The following ZXDB variants were observed in gnomAD, a reference collection of about 807,000 sequenced individuals.
ZXDB encodes zinc finger X-linked protein ZXDB.
For synonymous variants in ZXDB, 273 were observed against 314.3 expected (o/e 0.87, Z 1.39); for missense variants, 413 against 679.1 (o/e 0.61, Z 4.36).
In ZXDB at chrX:57,594,945, T is replaced by G; in HGVS notation, c.*485T>G. ...AATCCATGAACAATCTTTTTTAACTTAGCCTCACTCACTCCCCATGTTCTA... is the reference window on the plus strand; with the variant it reads ...AATCCATGAACAATCTTTTTTAACTGAGCCTCACTCACTCCCCATGTTCTA... On this transcript the variant is annotated 3_prime_UTR_variant, in exon 1 of 1. Transcript: ENST00000374888. 1 of 126,786 alleles carries G rather than the reference T, an allele frequency of 7.9e-6. No homozygotes were observed. Among genetic ancestry groups the G allele is most frequent in the Non-Finnish European group, 1.8e-5 (1 of 54,712 alleles). 10.4% of individuals were successfully genotyped at this position (126,786 alleles called of 1,213,427 possible). A position where few individuals can be genotyped will look rare whatever the true frequency, so the allele number is the denominator to read the frequency against.
rs1231685972 is a variant in ZXDB, at chrX:57,592,240, G to C, written c.192G>C (p.Thr64=). 15 of 1,149,458 alleles carry C rather than the reference G, an allele frequency of 1.3e-5. No homozygotes were observed. Among genetic ancestry groups the C allele is most frequent in the African/African-American group, 3.7e-5 (2 of 53,404 alleles). The allele number at this position is 1,149,458 out of a possible 1,213,427, so 94.7% of individuals were successfully genotyped here. A position where few individuals can be genotyped will look rare whatever the true frequency, so the allele number is the denominator to read the frequency against. The change falls in exon 1 of 1, where the codon ACG becomes ACC. Residue 64 remains threonine (T), a synonymous_variant. Coordinates refer to ENST00000374888, the MANE Select transcript of ZXDB (RefSeq NM_007157.4). ...GGCGGCGGCGCGAGGAGGCCAGCACGGCATCACGGGGCCCTGGCCCAAGCC... is the reference window on the plus strand; with the variant it reads ...GGCGGCGGCGCGAGGAGGCCAGCACCGCATCACGGGGCCCTGGCCCAAGCC... ...GPGRRREEAS[T]ASRGPGPSLL...
In ZXDB at chrX:57,593,041, G is replaced by A; in HGVS notation, c.993G>A (p.Leu331=). 1 of 1,211,863 alleles carries A rather than the reference G, an allele frequency of 8.3e-7. No homozygotes were observed. Among genetic ancestry groups the A allele is most frequent in the South Asian group, 1.8e-5 (1 of 56,959 alleles). The change falls in exon 1 of 1, where the codon CTG becomes CTA. Residue 331 remains leucine (L), a synonymous_variant. Transcript: ENST00000374888. ...GGCACCTGCAGTCGCACGACAAACT[G>A]CGGCCCTTTGGCTGCCCGGCAGAGG... is the stretch of plus-strand genomic sequence containing the variant. ...LKRHLQSHDK[L]RPFGCPAEGC... is the part of the protein sequence containing the mutation.
rs1242719860 is a variant in ZXDB at position 57,594,647 on chromosome X, A to T, written c.*187A>T. ...GGAACTGACAAGTTGTGTGACCCTG[A>T]GCAAGTCAGTTAACCTATCTGAGCC... On this transcript the variant is annotated 3_prime_UTR_variant, in exon 1 of 1. Transcript: ENST00000374888. The T allele has an allele frequency of 9.3e-6, 5 of 535,514 alleles. No homozygotes were observed. The East Asian group carries it at 1.5e-4, about 16-fold the overall frequency. The allele number at this position is 535,514 out of a possible 1,213,427, so 44.1% of individuals were successfully genotyped here. A position where few individuals can be genotyped will look rare whatever the true frequency, so the allele number is the denominator to read the frequency against.
chrX:57,596,735 T>G lies in ZXDB; in HGVS notation c.*2275T>G. ...TTTCTTCCCTCTCCCCTCCCTTTCC[T>G]GCACATCCCCATCCTTGCTATGCCT... On this transcript the variant is annotated 3_prime_UTR_variant, in exon 1 of 1. Transcript: ENST00000374888. 1 of 124,889 alleles carries G rather than the reference T, an allele frequency of 8.0e-6. No homozygotes were observed. The allele number at this position is 124,889 out of a possible 1,213,427, so 10.3% of individuals were successfully genotyped here. A position where few individuals can be genotyped will look rare whatever the true frequency, so the allele number is the denominator to read the frequency against.
rs766123927 is a variant in ZXDB, at chrX:57,592,776, C to A, written c.728C>A (p.Pro243Gln). The change falls in exon 1 of 1, where the codon CCG becomes CAG. Residue 243 changes from proline (P) to glutamine (Q), a missense_variant. Coordinates refer to ENST00000374888, the MANE Select transcript of ZXDB (RefSeq NM_007157.4). ...GAGCCGGCCGAACCCGCGCCAGCTC[C>A]GGCGCCTGAGGAGGAGGCGGAGGGC... ...LAEPAEPAPAPAPEEEAEGPA... is the reference protein window; with the variant it reads ...LAEPAEPAPAQAPEEEAEGPA... 4 of 1,151,343 alleles carry A rather than the reference C, an allele frequency of 3.5e-6. No individual in the cohort carries two copies. Among genetic ancestry groups the A allele is most frequent in the Non-Finnish European group, 3.5e-6 (3 of 868,469 alleles). 94.9% of individuals were successfully genotyped at this position (1,151,343 alleles called of 1,213,427 possible).
At position 57,592,273 on chromosome X, in the gene ZXDB, G is replaced by A; in HGVS notation, c.225G>A (p.Ala75=). ...ASRGPGPSLL[A]PRTDQPSGGG... ...GGGGCCCTGGCCCAAGCCTGTTGGC[G>A]CCGAGGACCGATCAACCTAGCGGCG... Residue 75 remains alanine, a synonymous_variant, in exon 1 of 1, where the codon GCG becomes GCA. Transcript: ENST00000374888. 3 of 1,181,647 alleles carry A rather than the reference G, an allele frequency of 2.5e-6. No homozygotes were observed. Among genetic ancestry groups the A allele is most frequent in the Non-Finnish European group, 3.4e-6 (3 of 885,240 alleles).
rs1233631649 is a variant in ZXDB, at chrX:57,593,336, G to A, written c.1288G>A (p.Gly430Ser). ...GGAACTGTTTTCCTGCTCTTTTCCT[G>A]GCTGCAGCAAACAATATGACAAGGC... ...EQELFSCSFP[G>S]CSKQYDKACR... The change falls in exon 1 of 1, where the codon GGC becomes AGC. Residue 430 changes from glycine (G) to serine (S), a missense_variant. Gly to Ser is a moderately conservative substitution (Grantham distance 56). Coordinates refer to ENST00000374888, the MANE Select transcript of ZXDB (RefSeq NM_007157.4). The A allele has an allele frequency of 3.3e-6, 4 of 1,209,947 alleles. No homozygotes were observed. The highest frequency in any genetic ancestry group is 4.5e-6 in the Non-Finnish European group (4 of 895,188).
rs760168270 is a variant in ZXDB at position 57,592,681 on chromosome X, G to C, written c.633G>C (p.Pro211=). The change falls in exon 1 of 1, where the codon CCG becomes CCC. Residue 211 remains proline, a synonymous_variant. Transcript: ENST00000374888. ...AGCAGCCCGGGTGTCTGATCGCCCC[G>C]CAAGCTGGGTTCCCGCATGCCGCGC... ...PAQQPGCLIA[P]QAGFPHAAHP... 568 of 1,176,716 alleles carry C rather than the reference G, an allele frequency of 4.8e-4. No individual in the cohort carries two copies. Among genetic ancestry groups the C allele is most frequent in the African/African-American group, 3.6e-3 (198 of 54,664 alleles).
rs753943083 is a variant in ZXDB at position 57,594,265 on chromosome X, T to A, written c.2217T>A (p.Pro739=). ...KLTVDTDALT[P]SSTLCENSVS... is the part of the protein sequence containing the mutation. The stretch of plus-strand genomic sequence containing the variant: ...CAGTGGACACAGATGCTCTGACTCC[T>A]TCGAGCACCCTTTGTGAAAACAGTG... The change falls in exon 1 of 1, where the codon CCT becomes CCA. Residue 739 remains proline, a synonymous_variant. Transcript: ENST00000374888. The A allele has an allele frequency of 1.2e-5, 15 of 1,211,763 alleles. No homozygotes were observed. Among genetic ancestry groups the A allele is most frequent in the Non-Finnish European group, 1.5e-5 (13 of 895,519 alleles).
rs2057905447 is a variant in ZXDB, at chrX:57,594,525, G to A, written c.*65G>A. 1.8e-6 allele frequency: 2 copies of A among 1,120,445 alleles called. No individual in the cohort carries two copies. Among genetic ancestry groups the A allele is most frequent in the Admixed American group, 2.9e-5 (1 of 35,060 alleles). 92.3% of individuals were successfully genotyped at this position (1,120,445 alleles called of 1,213,427 possible). A position where few individuals can be genotyped will look rare whatever the true frequency, so the allele number is the denominator to read the frequency against. On this transcript the variant is annotated 3_prime_UTR_variant, in exon 1 of 1. Coordinates refer to ENST00000374888, the MANE Select transcript of ZXDB (RefSeq NM_007157.4). ...TTACAGTCAATTTTGAGGATATTCT[G>A]GACTAAATATTTAAGTGCAGTCATT...
rs762453451 is a variant in ZXDB at position 57,594,185 on chromosome X, G to A, written c.2137G>A (p.Ala713Thr). ...VGPLGSLDSL[A>T]MKNSSPEPQA... ...GCCATTGGGATCTCTGGACTCTTTG[G>A]CCATGAAAAACTCCAGTCCAGAGCC... Residue 713 changes from alanine (A) to threonine (T), a missense_variant, in exon 1 of 1, where the codon GCC becomes ACC. Ala to Thr is a moderately conservative substitution (Grantham distance 58). Transcript: ENST00000374888. 11 of 1,199,584 alleles carry A rather than the reference G, an allele frequency of 9.2e-6. No homozygotes were observed. In the East Asian group the frequency reaches 3.3e-4, roughly 36 times the overall value.
chrX:57,592,710 C>T lies in ZXDB; in HGVS notation c.662C>T (p.Pro221Leu), dbSNP rs760436778. 4 of 1,175,766 alleles carry T rather than the reference C, an allele frequency of 3.4e-6. No individual in the cohort carries two copies. The highest frequency in any genetic ancestry group is 3.7e-5 in the African/African-American group (2 of 54,751). Residue 221 changes from proline (P) to leucine (L), a missense_variant, in exon 1 of 1, where the codon CCG becomes CTG. Coordinates refer to ENST00000374888, the MANE Select transcript of ZXDB (RefSeq NM_007157.4). ...GCTGGGTTCCCGCATGCCGCGCACC[C>T]GGGTGACTGCCCAGAGCTGCCGCCA... ...PQAGFPHAAHPGDCPELPPDL... is the reference protein window; with the variant it reads ...PQAGFPHAAHLGDCPELPPDL...
Position 57,592,270 on chromosome X carries a change from G to C in ZXDB, c.222G>C (p.Leu74Phe), listed in dbSNP as rs768201846. Residue 74 changes from leucine to phenylalanine, a missense_variant, in exon 1 of 1, where the codon TTG (leucine) becomes TTC (phenylalanine). Transcript: ENST00000374888. ...CACGGGGCCCTGGCCCAAGCCTGTT[G>C]GCGCCGAGGACCGATCAACCTAGCG... is the stretch of plus-strand genomic sequence containing the variant. ...TASRGPGPSL[L>F]APRTDQPSGG... 666 of 1,172,386 alleles carry C rather than the reference G, an allele frequency of 5.7e-4. 2 individuals are homozygous for C. The highest frequency in any genetic ancestry group is 1.5e-3 in the South Asian group (78 of 53,704).
In ZXDB at chrX:57,597,469, TAA is replaced by T. The variant is rs1034344634; in HGVS notation, c.*3011_*3012del. On this transcript the variant is annotated 3_prime_UTR_variant, in exon 1 of 1. Transcript: ENST00000374888. Reference sequence around the variant, plus strand: ...TGGAAATTAAATAAATTTATAAACATAAAGATAATTTAATGCTGTGACTTCAT... The same window carrying T: ...TGGAAATTAAATAAATTTATAAACATAGATAATTTAATGCTGTGACTTCAT... 4.0e-4 allele frequency: 49 copies of T among 123,368 alleles called. No homozygotes were observed. Among genetic ancestry groups the T allele is most frequent in the African/African-American group, 1.5e-3 (46 of 30,893 alleles). The allele number at this position is 123,368 out of a possible 1,213,427, so 10.2% of individuals were successfully genotyped here. A position where few individuals can be genotyped will look rare whatever the true frequency, so the allele number is the denominator to read the frequency against.
In ZXDB at chrX:57,594,450, T is replaced by C; in HGVS notation, c.2402T>C (p.Phe801Ser). 8.3e-7 allele frequency: 1 copy of C among 1,205,467 alleles called. No homozygotes were observed. Among genetic ancestry groups the C allele is most frequent in the Non-Finnish European group, 1.1e-6 (1 of 892,568 alleles). Reference sequence around the variant, plus strand: ...CTTATCACTGTGACTGGCAGCTCATTTTTGGTATGAACCAACTCTATTCAT... The same window carrying C: ...CTTATCACTGTGACTGGCAGCTCATCTTTGGTATGAACCAACTCTATTCAT... ...TDLITVTGSS[F>S]LV The change falls in exon 1 of 1, where the codon TTT becomes TCT. Residue 801 changes from phenylalanine (F) to serine (S), a missense_variant. Physicochemically the swap from Phe to Ser is radical, Grantham distance 155. Transcript: ENST00000374888.
chrX:57,594,022 G>T lies in ZXDB; in HGVS notation c.1974G>T (p.Gln658His). 9.0e-7 allele frequency: 1 copy of T among 1,110,803 alleles called. No homozygotes were observed. 91.5% of individuals were successfully genotyped at this position (1,110,803 alleles called of 1,213,427 possible). ...CTAATAATAATAATTCCGTAGGGCA[G>T]GCTGTGGACCCTCCGTCCTTGATGG... is the stretch of plus-strand genomic sequence containing the variant. Reference protein sequence around the residue: ...LPANNNNSVGQAVDPPSLMAT... With the variant: ...LPANNNNSVGHAVDPPSLMAT... Residue 658 changes from glutamine (Q) to histidine (H), a missense_variant, in exon 1 of 1, where the codon CAG (glutamine) becomes CAT (histidine). By Grantham distance (24) the Gln-to-His change is conservative (BLOSUM62 0). Transcript: ENST00000374888.
Position 57,592,082 on chromosome X carries a change from A to T in ZXDB, c.34A>T (p.Thr12Ser). ...CCCGAAGCTGCTCCCGGCTCGCGGG[A>T]CACTACAGGGCGGCGGCGGCGGCGG... is the stretch of plus-strand genomic sequence containing the variant. Reference protein sequence around the residue: ...EIPKLLPARGTLQGGGGGGIP... With the variant: ...EIPKLLPARGSLQGGGGGGIP... Residue 12 changes from threonine to serine, a missense_variant, in exon 1 of 1, where the codon ACA becomes TCA. Transcript: ENST00000374888. 9.6e-7 allele frequency: 1 copy of T among 1,037,183 alleles called. No homozygotes were observed. The highest frequency in any genetic ancestry group is 1.2e-6 in the Non-Finnish European group (1 of 813,772). 85.5% of individuals were successfully genotyped at this position (1,037,183 alleles called of 1,213,427 possible).
Position 57,592,745 on chromosome X carries a change from C to A in ZXDB, c.697C>A (p.Leu233Ile). 1 of 1,161,675 alleles carries A rather than the reference C, an allele frequency of 8.6e-7. No individual in the cohort carries two copies. The highest frequency in any genetic ancestry group is 1.8e-5 in the African/African-American group (1 of 55,211). ...CCCAGAGCTGCCGCCAGACCTCCTG[C>A]TAGCTGAGCCGGCCGAACCCGCGCC... ...DCPELPPDLL[L>I]AEPAEPAPAP... Residue 233 changes from leucine to isoleucine, a missense_variant, in exon 1 of 1, where the codon CTA becomes ATA. By Grantham distance (5) the Leu-to-Ile change is conservative (BLOSUM62 2). Coordinates refer to ENST00000374888, the MANE Select transcript of ZXDB (RefSeq NM_007157.4).
rs771084417 is a variant in ZXDB at position 57,593,539 on chromosome X, G to A, written c.1491G>A (p.Arg497=). Residue 497 remains arginine (R), a synonymous_variant, in exon 1 of 1, where the codon AGG becomes AGA. Transcript: ENST00000374888. The stretch of plus-strand genomic sequence containing the variant: ...AAGGCTGTGGGAAATCTTTCACGAG[G>A]GCGGAACATCTGAAAGGCCACAGCA... ...PVEGCGKSFT[R]AEHLKGHSIT... is the part of the protein sequence containing the mutation. 7.9e-5 allele frequency: 96 copies of A among 1,209,684 alleles called. No homozygotes were observed. Among genetic ancestry groups the A allele is most frequent in the Admixed American group, 7.0e-4 (32 of 45,770 alleles).
Sources: allele counts gnomAD v4.1 joint callset, GRCh38; gene constraint gnomAD v4.1.1; transcripts MANE v1.5; gene names NCBI Gene and HGNC (gene_info 2026-07-23, HGNC 2026-07-21).